Variants in SLITRK5 observed in about 807,000 individuals in gnomAD.
SLITRK5 encodes the protein SLIT and NTRK like family member 5, also known as SLIT and NTRK-like protein 5.
Under a neutral mutation model 56.2 loss-of-function variants are expected in SLITRK5, and 23 were observed. The ratio of observed to expected loss-of-function variants is 0.41; its 90% CI spans 0.29 to 0.58. The LOEUF (loss-of-function observed/expected upper bound fraction) is 0.58, where lower values mean the gene tolerates loss of function less well. SLITRK5 is among the 20% of genes least tolerant of loss of function. The pLI is 0.30. For missense variants in SLITRK5, 1,289 were observed against 1,226.6 expected (o/e 1.05, Z -0.76); for synonymous variants, 637 against 531.8 (o/e 1.20, Z -2.72).
intron 1 of SLITRK5, 34 bp from the exon 2 acceptor site, chr13:87,675,347 T>C (rs1477056540): frequency 1.3e-6 from 2 of 1,517,922 alleles, no homozygotes; most frequent in East Asian, 4.5e-5. Context: ...TTTGTCATAT[T>C]CTGTTATTTC....
chr13:87,672,857 GT>G (rs1877097066), intron 1 of SLITRK5: 1 of 18,204 alleles, frequency 5.5e-5, no homozygotes, highest in South Asian at 1.4e-3. Context: ...CAAAAGAGGT[GT>G]GTGTGTGTGT....
rs952908185 is a variant in SLITRK5 at position 87,672,034 on chromosome 13, G to A, written c.-184G>A. Among the ~76,000 whole-genome samples the A allele has an allele frequency of 2.0e-5, 3 of 152,076 alleles. No individual in the cohort carries two copies. The highest frequency in any genetic ancestry group is 2.0e-4 in the Admixed American group (3 of 15,284). ...CGCTCCCTCTGGCTCGTCCCCCGGCGTGCGCCACTGACCAGGGGGGAATGT... is the reference window on the plus strand; with the variant it reads ...CGCTCCCTCTGGCTCGTCCCCCGGCATGCGCCACTGACCAGGGGGGAATGT... On this transcript the variant is annotated 5_prime_UTR_variant, in exon 1 of 2. The change creates a new upstream start codon in the 5' untranslated region. Coordinates refer to ENST00000683689, the MANE Select transcript of SLITRK5 (RefSeq NM_001384609.1).
In SLITRK5 at chr13:87,676,416, G is replaced by C; in HGVS notation, c.1028G>C (p.Arg343Pro). Residue 343 changes from arginine (R) to proline (P), a missense_variant, in exon 2 of 2, where the codon CGC (arginine) becomes CCC (proline). Coordinates refer to ENST00000683689, the MANE Select transcript of SLITRK5 (RefSeq NM_001384609.1). ...GTRQPNKPRV[R>P]PTSRQPSKDL... is the part of the protein sequence containing the mutation. ...CGCCAACCCAACAAGCCCAGGGTGC[G>C]CCCCACCTCTCGGCAGCCCTCTAAG... 1 of 1,613,976 alleles carries C rather than the reference G, an allele frequency of 6.2e-7. No homozygotes were observed. Among genetic ancestry groups the C allele is most frequent in the Non-Finnish European group, 8.5e-7 (1 of 1,179,980 alleles).
Position 87,677,245 on chromosome 13 carries a change from A to T in SLITRK5, c.1857A>T (p.Val619=), listed in dbSNP as rs776492971. ...ELLCPDYSDV[V]VSTPTPSSIQ... ...TGTGCCCTGACTATTCAGATGTAGT[A>T]GTTTCCACGCCCACACCCTCCTCTA... Residue 619 remains valine (V), a synonymous_variant, in exon 2 of 2, where the codon GTA becomes GTT. Transcript: ENST00000683689. The surrounding 1 kb of genome is among the most constrained non-coding windows in gnomAD (Gnocchi z 4.7). 1.9e-6 allele frequency: 3 copies of T among 1,614,074 alleles called. No individual in the cohort carries two copies. The highest frequency in any genetic ancestry group is 2.5e-6 in the Non-Finnish European group (3 of 1,180,048).
intron 1 of SLITRK5, among the ~76,000 whole-genome samples, chr13:87,673,128 A>G (rs1877116728): frequency 6.6e-6 from 1 of 151,644 alleles, no homozygotes; most frequent in Non-Finnish European, 1.5e-5. Flanking sequence ...TACTGCAGGG[A>G]CGTACAGGGC....
rs2137948147 is a variant in SLITRK5, at chr13:87,678,009, T to G, written c.2621T>G (p.Leu874Arg). The change falls in exon 2 of 2, where the codon CTC becomes CGC. Residue 874 changes from leucine (L) to arginine (R), a missense_variant. Physicochemically the swap from Leu to Arg is moderately radical, Grantham distance 102. Coordinates refer to ENST00000683689, the MANE Select transcript of SLITRK5 (RefSeq NM_001384609.1). ...TCCACCACCCCCGCCGGCAATAGCC[T>G]CCCGGAATATCCCAAATTCCCGTGC... ...HCSTTPAGNS[L>R]PEYPKFPCSP... 6.2e-7 allele frequency: 1 copy of G among 1,614,090 alleles called. No homozygotes were observed. The highest frequency in any genetic ancestry group is 8.5e-7 in the Non-Finnish European group (1 of 1,179,982).
Position 87,677,503 on chromosome 13 carries a change from C to T in SLITRK5, c.2115C>T (p.Ser705=). 3 of 1,611,792 alleles carry T rather than the reference C, an allele frequency of 1.9e-6. No homozygotes were observed. The highest frequency in any genetic ancestry group is 2.2e-5 in the East Asian group (1 of 44,842). The stretch of plus-strand genomic sequence containing the variant: ...GCGACCACACCAGCACCAACAACTC[C>T]GACGTGAGCTCCTTTAACATGCAGT... ...NQSDHTSTNN[S]DVSSFNMQYS... The change falls in exon 2 of 2, where the codon TCC becomes TCT. Residue 705 remains serine, a synonymous_variant. Transcript: ENST00000683689. This position sits in a 1 kb window ranked among gnomAD's most constrained non-coding sequence, Gnocchi z 4.7.
rs767817313 is a variant in SLITRK5 at position 87,675,374 on chromosome 13, C to G, written c.-8-7C>G. On this transcript the variant is annotated splice_region_variant and splice_polypyrimidine_tract_variant and intron_variant, in intron 1 of 1. Coordinates refer to ENST00000683689, the MANE Select transcript of SLITRK5 (RefSeq NM_001384609.1). ...TGTTATTTCCTTGTTTTCTCTCTCC[C>G]TTACAGGAGGTAAAATGCACACTTG... 3.7e-6 allele frequency: 6 copies of G among 1,606,508 alleles called. No homozygotes were observed. In the Admixed American group the frequency reaches 1.0e-4, roughly 27 times the overall value.
chr13:87,674,566 A>G (rs1443501401), intron 1 of SLITRK5, among the ~76,000 whole-genome samples: 1 of 152,100 alleles, frequency 6.6e-6, no homozygotes, highest in Non-Finnish European at 1.5e-5. Context: ...TGGCTTAAAG[A>G]TGCGGTTTGG....
rs141008444 is a variant in SLITRK5 at position 87,676,261 on chromosome 13, C to T, written c.873C>T (p.Asp291=). Residue 291 remains aspartate (D), a synonymous_variant, in exon 2 of 2, where the codon GAC becomes GAT. Transcript: ENST00000683689. ...QELCPRRLIS[D]YEMRPQTPLS... ...TTTGCCCAAGGAGACTTATTTCTGA[C>T]TACGAGATGAGGCCGCAGACGCCTT... is the stretch of plus-strand genomic sequence containing the variant. The T allele has an allele frequency of 6.2e-7, 1 of 1,614,032 alleles. No homozygotes were observed. Among genetic ancestry groups the T allele is most frequent in the African/African-American group, 1.3e-5 (1 of 74,928 alleles).
intron 1 of SLITRK5, among the ~76,000 whole-genome samples, chr13:87,673,977 C>T (rs1410382890): frequency 4.6e-5 from 7 of 151,074 alleles, no homozygotes; most frequent in Middle Eastern, 3.2e-3. Context: ...CCCCATTAAC[C>T]AACGCAGCAT....
rs1272184703 is a variant in SLITRK5, at chr13:87,672,229, G to A, written c.-9+20G>A. On this transcript the variant is annotated intron_variant, in intron 1 of 1. Transcript: ENST00000683689. ...GCAACTGTGAGTACCCCTGTGGGGG[G>A]GAGGGTGCAGCGAAGGCTGCCAGGG... Among the ~76,000 whole-genome samples, 1 of 152,110 alleles carries A rather than the reference G, an allele frequency of 6.6e-6. No homozygotes were observed. Among genetic ancestry groups the A allele is most frequent in the East Asian group, 2.0e-4 (1 of 5,114 alleles).
rs1708214927 is a variant in SLITRK5, at chr13:87,677,944, C to A, written c.2556C>A (p.Asp852Glu). Residue 852 changes from aspartate to glutamate, a missense_variant, in exon 2 of 2, where the codon GAC (aspartate) becomes GAA (glutamate). This residue lies in a region of SLITRK5 where 985 missense variants were observed against 906.0 expected (regional missense o/e 1.09). Transcript: ENST00000683689. This position sits in a 1 kb window ranked among gnomAD's most constrained non-coding sequence, Gnocchi z 4.7. ...EDLLSPVQDA[D>E]RFYRGILEPD... ...TGCTGTCGCCGGTGCAGGACGCCGA[C>A]CGCTTTTACAGGGGCATTTTAGAAC... The A allele has an allele frequency of 2.5e-6, 4 of 1,613,800 alleles. No homozygotes were observed. The highest frequency in any genetic ancestry group is 2.7e-5 in the African/African-American group (2 of 74,938).
chr13:87,676,214 G>A lies in SLITRK5; in HGVS notation c.826G>A (p.Asp276Asn), dbSNP rs1364096101. 6.2e-7 allele frequency: 1 copy of A among 1,614,166 alleles called. No homozygotes were observed. Residue 276 changes from aspartate to asparagine, a missense_variant, in exon 2 of 2, where the codon GAC becomes AAC. Transcript: ENST00000683689. ...CTTCCGCTTACACGGAAGGGACTTG[G>A]ACGAGGTATCCAAGCAGGAACTTTG... ...TPFRLHGRDL[D>N]EVSKQELCPR...
chr13:87,676,258 T>A lies in SLITRK5; in HGVS notation c.870T>A (p.Ser290=). Residue 290 remains serine, a synonymous_variant, in exon 2 of 2, where the codon TCT becomes TCA. Coordinates refer to ENST00000683689, the MANE Select transcript of SLITRK5 (RefSeq NM_001384609.1). ...AACTTTGCCCAAGGAGACTTATTTCTGACTACGAGATGAGGCCGCAGACGC... is the reference window on the plus strand; with the variant it reads ...AACTTTGCCCAAGGAGACTTATTTCAGACTACGAGATGAGGCCGCAGACGC... ...KQELCPRRLI[S]DYEMRPQTPL... 6.2e-7 allele frequency: 1 copy of A among 1,614,152 alleles called. No individual in the cohort carries two copies. The highest frequency in any genetic ancestry group is 2.2e-5 in the East Asian group (1 of 44,846).
In SLITRK5 at chr13:87,675,977, T is replaced by C. The variant is rs1834111247; in HGVS notation, c.589T>C (p.Phe197Leu). Residue 197 changes from phenylalanine (F) to leucine (L), a missense_variant, in exon 2 of 2, where the codon TTC becomes CTC. Phe to Leu is a conservative substitution (Grantham distance 22). This residue lies in a region of SLITRK5 where 291 missense variants were observed against 286.7 expected (regional missense o/e 1.02). Transcript: ENST00000683689. ...TTTGTCCAGTTTACCCAACAATCTT[T>C]TCCGTTTTGTGCCCTTAACGCACTT... Reference protein sequence around the residue: ...NLLSSLPNNLFRFVPLTHLDL... With the variant: ...NLLSSLPNNLLRFVPLTHLDL... 1 of 1,614,116 alleles carries C rather than the reference T, an allele frequency of 6.2e-7. No individual in the cohort carries two copies. Among genetic ancestry groups the C allele is most frequent in the Non-Finnish European group, 8.5e-7 (1 of 1,180,028 alleles).
Position 87,677,420 on chromosome 13 carries a change from G to T in SLITRK5, c.2032G>T (p.Val678Phe), listed in dbSNP as rs1351009165. The T allele has an allele frequency of 1.2e-6, 2 of 1,613,582 alleles. No individual in the cohort carries two copies. The highest frequency in any genetic ancestry group is 1.1e-5 in the South Asian group (1 of 91,080). ...CCTCCTGCTGGTTTTCATCATGTCCGTCTTCGTGGCCGCCGGGCTCTTCGT... is the reference window on the plus strand; with the variant it reads ...CCTCCTGCTGGTTTTCATCATGTCCTTCTTCGTGGCCGCCGGGCTCTTCGT... The part of the protein sequence containing the change: ...LSLLLVFIMS[V>F]FVAAGLFVLV... Residue 678 changes from valine to phenylalanine, a missense_variant, in exon 2 of 2, where the codon GTC becomes TTC. Coordinates refer to ENST00000683689, the MANE Select transcript of SLITRK5 (RefSeq NM_001384609.1). The surrounding 1 kb of genome is among the most constrained non-coding windows in gnomAD (Gnocchi z 4.7).
Position 87,677,321 on chromosome 13 carries a change from A to G in SLITRK5, c.1933A>G (p.Ser645Gly). The change falls in exon 2 of 2, where the codon AGC (serine) becomes GGC (glycine). Residue 645 changes from serine (S) to glycine (G), a missense_variant. By Grantham distance (56) the Ser-to-Gly change is moderately conservative. Around this residue, in one of 3 missense-constraint regions of SLITRK5, gnomAD observed 985 missense variants for 906.0 expected, o/e 1.09. Transcript: ENST00000683689. The surrounding 1 kb of genome is among the most constrained non-coding windows in gnomAD (Gnocchi z 4.7). ...SAVTPAVRLN[S>G]TGAPASLGAG... Reference sequence around the variant, plus strand: ...CGTGACTCCTGCGGTCCGGTTGAATAGCACCGGGGCCCCCGCGAGCTTGGG... The same window carrying G: ...CGTGACTCCTGCGGTCCGGTTGAATGGCACCGGGGCCCCCGCGAGCTTGGG... 1.2e-6 allele frequency: 2 copies of G among 1,614,090 alleles called. No individual in the cohort carries two copies. The highest frequency in any genetic ancestry group is 1.7e-6 in the Non-Finnish European group (2 of 1,180,004).
At chr13:87,672,551 C>G (rs901228427) in intron 1 of SLITRK5, 1 of 151,732 alleles carries the variant, frequency 6.6e-6, no homozygotes, top group Non-Finnish European at 1.5e-5. Flanking sequence ...CCGCTCTCCA[C>G]CCCCCAACCC....
Sources: gnomAD v4.1 joint callset for allele counts (sites outside exome capture counted in the v4.1 genomes callset) on GRCh38, gnomAD v4.1.1 for gene constraint, gnomAD v4.1.1 regional missense constraint, Gnocchi (gnomAD v3.1) non-coding constraint, MANE v1.5 for transcripts, NCBI Gene and HGNC (gene_info 2026-07-23, HGNC 2026-07-21) for gene names.